The following IQCB1 variants were observed in gnomAD, a reference collection of about 807,000 sequenced individuals.
IQCB1 encodes IQ calmodulin-binding motif-containing protein 1.
IQCB1 carries 56 observed loss-of-function variants against 84.4 expected under a neutral mutation model. That is an observed-to-expected ratio of 0.66 (90% CI 0.54 to 0.83). IQCB1 has a LOEUF of 0.83. Among genes scored for constraint, IQCB1 ranks in the 40% least tolerant of loss-of-function variants. IQCB1 has a pLI of 0.00. For synonymous variants in IQCB1, 210 were observed against 234.8 expected, an observed-to-expected ratio of 0.89 and a Z score of 0.96; for missense variants, 629 against 682.1, an observed-to-expected ratio of 0.92 and a Z score of 0.87.
chr3:121,799,502 T>G (rs1949326982), intron 7 of IQCB1, 128 bp from the exon 8 acceptor site: 1 of 634,598 alleles, frequency 1.6e-6, no homozygotes, highest in African/African-American at 1.9e-5. Flanking sequence ...TAACCACTTT[T>G]TCAAATATAT....
chr3:121,799,126 G>T, intron 8 of IQCB1, 70 bp downstream of exon 8: 1 of 1,159,780 alleles, frequency 8.6e-7, no homozygotes, highest in Non-Finnish European at 1.3e-6. Context: ...TAAGAATTTT[G>T]TTTTTCATAA....
intron 5 of IQCB1, among the ~76,000 whole-genome samples, chr3:121,823,404 T>G (rs1387594678): frequency 6.6e-6 from 1 of 151,908 alleles, no homozygotes; most frequent in East Asian, 1.9e-4. Context: ...AAAGTAAAAT[T>G]GCTGAAAATA....
intron 14 of IQCB1, among the ~76,000 whole-genome samples, chr3:121,770,919 G>C (rs1377430393): frequency 1.3e-5 from 2 of 151,914 alleles, no homozygotes; most frequent in Non-Finnish European, 2.9e-5. Flanking sequence ...CAATCCTTCT[G>C]CCTCAGCTTC....
rs370264293 is a variant in IQCB1, at chr3:121,778,045, C to T, written c.1410+3698G>A. Among the ~76,000 whole-genome samples the T allele has an allele frequency of 8.7e-4, 132 of 152,030 alleles. 1 individual carries two copies. The highest frequency in any genetic ancestry group is 3.0e-3 in the African/African-American group (126 of 41,484). On this transcript the variant is annotated intron_variant, in intron 13 of 14. Transcript: ENST00000310864. ...ACCTCAGTCTCCCAAGTAGCTGGGA[C>T]CACAGACAGGCATCAACATGCCTGG... is the stretch of plus-strand genomic sequence containing the variant.
At chr3:121,790,455 A>G (rs970408204) in intron 10 of IQCB1, among the ~76,000 whole-genome samples, 5 of 152,188 alleles carry the variant, frequency 3.3e-5, no homozygotes, top group Non-Finnish European at 5.9e-5. Flanking sequence ...AAAGCCTTAA[A>G]AGTGATGACC....
At position 121,772,620 on chromosome 3, in the gene IQCB1, G is replaced by C; in HGVS notation, c.1504C>G (p.Arg502Gly). 6.2e-7 allele frequency: 1 copy of C among 1,614,160 alleles called. No homozygotes were observed. Among genetic ancestry groups the C allele is most frequent in the Non-Finnish European group, 8.5e-7 (1 of 1,179,994 alleles). Residue 502 changes from arginine (R) to glycine (G), a missense_variant, in exon 14 of 15, where the codon CGA (arginine) becomes GGA (glycine). Coordinates refer to ENST00000310864, the MANE Select transcript of IQCB1 (RefSeq NM_001023570.4). ...AGAGCTTCTCTGTGCTGCTGGGCTCGCTCTTCTAGGGCCCTGCCCATAAAG... is the reference window on the plus strand; with the variant it reads ...AGAGCTTCTCTGTGCTGCTGGGCTCCCTCTTCTAGGGCCCTGCCCATAAAG... Reference protein sequence around the residue: ...HYFMGRALEERAQQHREALIA... With the variant: ...HYFMGRALEEGAQQHREALIA...
chr3:121,796,323 T>G (rs533390942), intron 9 of IQCB1, among the ~76,000 whole-genome samples: 2 of 152,234 alleles, frequency 1.3e-5, no homozygotes, highest in Non-Finnish European at 1.5e-5. Context: ...TTTTTAAATT[T>G]ATTGTCTTTT....
At chr3:121,789,670 G>A (rs1559764671) in intron 11 of IQCB1, among the ~76,000 whole-genome samples, 1 of 152,178 alleles carries the variant, frequency 6.6e-6, no homozygotes, top group Non-Finnish European at 1.5e-5. Context: ...TTTCAGCTTA[G>A]TCTGTCAAAG....
chr3:121,776,295 T>C (rs912632862), intron 13 of IQCB1, among the ~76,000 whole-genome samples: 2 of 152,218 alleles, frequency 1.3e-5, no homozygotes, highest in Non-Finnish European at 2.9e-5. Flanking sequence ...TCCATGGTTC[T>C]AGTTTTTGGC....
intron 13 of IQCB1, among the ~76,000 whole-genome samples, chr3:121,774,090 A>G (rs139953426): frequency 6.6e-6 from 1 of 152,262 alleles, no homozygotes; most frequent in East Asian, 1.9e-4. Context: ...AATGAACAAA[A>G]TATAACCCTG....
Position 121,781,866 on chromosome 3 carries a change from T to C in IQCB1, c.1287A>G (p.Lys429=), listed in dbSNP as rs776326876. Reference sequence around the variant, plus strand: ...TTTTCTTACGGCACTTCGCTAGGAATTTAAGCGCCTGGAAGAAAAAAAATT... The same window carrying C: ...TTTTCTTACGGCACTTCGCTAGGAACTTAAGCGCCTGGAAGAAAAAAAATT... ...AAVTLQRAAL[K]FLAKCRKKKK... Residue 429 remains lysine (K), a synonymous_variant, in exon 13 of 15, where the codon AAA becomes AAG. Coordinates refer to ENST00000310864, the MANE Select transcript of IQCB1 (RefSeq NM_001023570.4). The C allele has an allele frequency of 4.3e-6, 7 of 1,613,198 alleles. No homozygotes were observed. The African/African-American group carries it at 9.3e-5, about 22-fold the overall frequency.
At chr3:121,805,549 A>G (rs1025181485) in intron 7 of IQCB1, among the ~76,000 whole-genome samples, 3 of 151,996 alleles carry the variant, frequency 2.0e-5, no homozygotes, top group African/African-American at 2.4e-5. Flanking sequence ...AAACAGTTTG[A>G]CCCTTTTGGG....
rs1167821181 is a variant in IQCB1, at chr3:121,828,329, TAATATGAAGGAAA to T, written c.263+128_263+140del. On this transcript the variant is annotated intron_variant, in intron 4 of 14. Transcript: ENST00000310864. ...AAGTAAAATTATGAATAATAACATA[TAATATGAAGGAAA>T]AGTACAACCAAAACCTACAACAGGA... 3 of 702,246 alleles carry T rather than the reference TAATATGAAGGAAA, an allele frequency of 4.3e-6. No individual in the cohort carries two copies. In the African/African-American group the frequency reaches 5.4e-5, roughly 13 times the overall value. The allele number at this position is 702,246 out of a possible 1,614,324, so 43.5% of individuals were successfully genotyped here.
intron 13 of IQCB1, among the ~76,000 whole-genome samples, chr3:121,778,873 TG>T (rs1948352428): frequency 6.8e-6 from 1 of 147,230 alleles, no homozygotes; most frequent in Admixed American, 6.9e-5. Flanking sequence ...CACTCCAGCC[TG>T]GGTGACAACA....
intron 5 of IQCB1, among the ~76,000 whole-genome samples, chr3:121,821,695 C>T (rs1472336007): frequency 6.6e-6 from 1 of 152,116 alleles, no homozygotes; most frequent in East Asian, 1.9e-4. Flanking sequence ...AGTTTGTTGA[C>T]CTAAGCTTTT....
intron 10 of IQCB1, 92 bp downstream of exon 10, chr3:121,795,365 C>T (rs1949136862): frequency 3.8e-5 from 30 of 785,666 alleles, no homozygotes; most frequent in Non-Finnish European, 5.0e-5. Flanking sequence ...AAGAAACATA[C>T]TAGGAAATTA....
intron 11 of IQCB1, among the ~76,000 whole-genome samples, chr3:121,788,868 T>A (rs902252531): frequency 1.3e-5 from 2 of 152,158 alleles, no homozygotes; most frequent in African/African-American, 4.8e-5. Flanking sequence ...TTTCTTGGAG[T>A]TGCTCAGCAT....
intron 12 of IQCB1, among the ~76,000 whole-genome samples, chr3:121,784,848 A>AT (rs1431521149): frequency 6.6e-6 from 1 of 151,990 alleles, no homozygotes; most frequent in Non-Finnish European, 1.5e-5. Context: ...AGCCCAGCTA[A>AT]TTTTTTATAG....
rs576368233 is a variant in IQCB1, at chr3:121,812,184, C to T, written c.394-3175G>A. 2.6e-5 allele frequency among the ~76,000 whole-genome samples: 4 copies of T among 152,206 alleles called. No individual in the cohort carries two copies. In the East Asian group the frequency reaches 7.7e-4, roughly 29 times the overall value. ...CTCCAGCAGACCTGCAGAAGAGGGACCTGTTAGAAGGAAAACTAACAAACA... is the reference window on the plus strand; with the variant it reads ...CTCCAGCAGACCTGCAGAAGAGGGATCTGTTAGAAGGAAAACTAACAAACA... On this transcript the variant is annotated intron_variant, in intron 5 of 14. Coordinates refer to ENST00000310864, the MANE Select transcript of IQCB1 (RefSeq NM_001023570.4).
Sources: gnomAD v4.1 joint callset for allele counts (sites outside exome capture counted in the v4.1 genomes callset) on GRCh38, gnomAD v4.1.1 for gene constraint, MANE v1.5 for transcripts, NCBI Gene and HGNC (gene_info 2026-07-23, HGNC 2026-07-21) for gene names.